The following CRTAC1 variants were observed in gnomAD, a reference collection of about 807,000 sequenced individuals.
The protein encoded by CRTAC1 is acidic secreted protein in cartilage.
A neutral mutation model predicts 67.8 loss-of-function variants in CRTAC1; 37 were observed. That is an observed-to-expected ratio of 0.55 (90% CI 0.42 to 0.72). The LOEUF (loss-of-function observed/expected upper bound fraction) is 0.72. CRTAC1 is among the 30% of genes least tolerant of loss of function. The pLI, the probability that CRTAC1 is intolerant of heterozygous loss-of-function variation, is 0.00. For synonymous variants in CRTAC1, 348 were observed against 371.0 expected, an observed-to-expected ratio of 0.94 and a Z score of 0.71; for missense variants, 780 against 931.6, an observed-to-expected ratio of 0.84 and a Z score of 2.12.
intron 2 of CRTAC1, among the ~76,000 whole-genome samples, chr10:97,962,780 A>T (rs546189183): frequency 6.6e-6 from 1 of 151,952 alleles, no homozygotes; most frequent in South Asian, 2.1e-4. Context: ...GCATTAAATT[A>T]TCCAGGGCTG....
chr10:97,970,793 A>G (rs947127570), intron 2 of CRTAC1, among the ~76,000 whole-genome samples: 5 of 152,252 alleles, frequency 3.3e-5, no homozygotes, highest in African/African-American at 1.2e-4. Flanking sequence ...CAGTCTCTCC[A>G]ATGCCTAGAT....
intron 6 of CRTAC1, among the ~76,000 whole-genome samples, chr10:97,907,292 A>G (rs981914145): frequency 1.3e-5 from 2 of 152,138 alleles, no homozygotes; most frequent in South Asian, 2.1e-4. Context: ...GGGAGTGAGG[A>G]AAATCTCTGC....
chr10:97,901,598 G>A lies in CRTAC1; in HGVS notation c.1038C>T (p.Arg346=), dbSNP rs1277495800. The A allele has an allele frequency of 6.2e-7, 1 of 1,614,206 alleles. No homozygotes were observed. The highest frequency in any genetic ancestry group is 8.5e-7 in the Non-Finnish European group (1 of 1,180,042). Residue 346 remains arginine (R), a synonymous_variant, in exon 8 of 15, where the codon CGC becomes CGT. Transcript: ENST00000370597. ...TGTCAAAGTCGGCGGTGATGACCGTGCGGACAGGGGAGGGCATGGAGAACT... is the reference window on the plus strand; with the variant it reads ...TGTCAAAGTCGGCGGTGATGACCGTACGGACAGGGGAGGGCATGGAGAACT... The part of the protein sequence containing the change: ...SPKFSMPSPV[R]TVITADFDND...
intron 2 of CRTAC1, among the ~76,000 whole-genome samples, chr10:97,989,867 A>G (rs570729871): frequency 6.6e-6 from 1 of 152,124 alleles, no homozygotes; most frequent in Non-Finnish European, 1.5e-5. Flanking sequence ...TGACTCCATC[A>G]TTTCTCTCCT....
intron 2 of CRTAC1, among the ~76,000 whole-genome samples, chr10:97,945,711 G>C (rs2051253182): frequency 6.6e-6 from 1 of 152,170 alleles, no homozygotes; most frequent in Non-Finnish European, 1.5e-5. Context: ...TGATTTAGGA[G>C]CTGGCCAGAG....
chr10:97,957,786 G>A (rs879393387), intron 2 of CRTAC1, among the ~76,000 whole-genome samples: 2 of 152,168 alleles, frequency 1.3e-5, no homozygotes, highest in Admixed American at 6.5e-5. Flanking sequence ...TCCCCAGGAG[G>A]CTAGGAATGA....
In CRTAC1 at chr10:97,919,771, C is replaced by CTTTTTTTTTTTTTTT. The variant is rs769852925; in HGVS notation, c.559-2130_559-2116dup. 1.2e-4 allele frequency among the ~76,000 whole-genome samples: 13 copies of CTTTTTTTTTTTTTTT among 106,322 alleles called. 3 individuals carry two copies. The highest frequency in any genetic ancestry group is 1.3e-4 in the Non-Finnish European group (7 of 55,184). The allele number at this position is 106,322 out of a possible 152,430, so 69.8% of individuals were successfully genotyped here. On this transcript the variant is annotated intron_variant, in intron 4 of 14. Coordinates refer to ENST00000370597, the MANE Select transcript of CRTAC1 (RefSeq NM_018058.7). ...GAGATGCACTGCTTTACAGTACAGC[C>CTTTTTTTTTTTTTTT]TTTTTTTTTTTTTTTAAGACAGGGT...
chr10:98,000,330 C>A (rs1842665339), intron 2 of CRTAC1, among the ~76,000 whole-genome samples: 1 of 152,230 alleles, frequency 6.6e-6, no homozygotes, highest in African/African-American at 2.4e-5. Context: ...TGAGACCCTG[C>A]AGTTCCCAGC....
chr10:97,968,297 C>CTG (rs2051651692), intron 2 of CRTAC1, among the ~76,000 whole-genome samples: 9 of 152,148 alleles, frequency 5.9e-5, no homozygotes, highest in Admixed American at 5.9e-4. Context: ...GGCTGGAGTG[C>CTG]AGTGGCACTA....
intron 7 of CRTAC1, among the ~76,000 whole-genome samples, chr10:97,903,721 C>T (rs140692801): frequency 3.1e-3 from 476 of 152,204 alleles, no homozygotes; most frequent in African/African-American, 0.011. Context: ...CTTCAACCAG[C>T]CCATGCCCTC....
chr10:98,027,341 T>C (rs1305487704), intron 1 of CRTAC1, among the ~76,000 whole-genome samples: 6 of 152,016 alleles, frequency 3.9e-5, no homozygotes, highest in African/African-American at 1.4e-4. Flanking sequence ...TTGGCAAAAA[T>C]AGAATGTCCT....
intron 4 of CRTAC1, among the ~76,000 whole-genome samples, chr10:97,920,403 C>T (rs2050819821): frequency 6.6e-6 from 1 of 152,130 alleles, no homozygotes; most frequent in Non-Finnish European, 1.5e-5. Flanking sequence ...TGAGATGATT[C>T]CAAGGGAAGG....
intron 2 of CRTAC1, among the ~76,000 whole-genome samples, chr10:97,946,045 C>T (rs1215695049): frequency 6.6e-6 from 1 of 152,162 alleles, no homozygotes; most frequent in African/African-American, 2.4e-5. Flanking sequence ...TAGCCCAGTG[C>T]CAGGAAAGAC....
chr10:97,907,966 C>G (rs1180880985), intron 6 of CRTAC1, 47 bp downstream of exon 6: 2 of 1,607,792 alleles, frequency 1.2e-6, no homozygotes, highest in South Asian at 1.1e-5. Flanking sequence ...CTCTGTGGGT[C>G]TGGGGTGAGG....
Position 98,030,520 on chromosome 10 carries a change from C to G in CRTAC1, c.-48G>C, listed in dbSNP as rs545311638. ...CCTAGGGGCGTGGGAAGCGGGCGCT[C>G]GCTGCCGCCTCTGCCGCCGGCGCCG... On this transcript the variant is annotated 5_prime_UTR_variant, in exon 1 of 15. Coordinates refer to ENST00000370597, the MANE Select transcript of CRTAC1 (RefSeq NM_018058.7). The surrounding 1 kb of genome is among the most constrained non-coding windows in gnomAD (Gnocchi z 4.2). 7.3e-6 allele frequency: 9 copies of G among 1,228,952 alleles called. No individual in the cohort carries two copies. The highest frequency in any genetic ancestry group is 9.2e-6 in the Non-Finnish European group (9 of 975,314). 76.1% of individuals were successfully genotyped at this position (1,228,952 alleles called of 1,614,324 possible).
chr10:98,027,226 C>T (rs1430930258), intron 1 of CRTAC1, among the ~76,000 whole-genome samples: 1 of 151,836 alleles, frequency 6.6e-6, no homozygotes, highest in African/African-American at 2.4e-5. Context: ...AACCTGTTTC[C>T]CAGAGCCCAG....
intron 2 of CRTAC1, among the ~76,000 whole-genome samples, chr10:97,968,345 C>A (rs534649000): frequency 3.3e-5 from 5 of 152,264 alleles, no homozygotes; most frequent in African/African-American, 1.2e-4. Flanking sequence ...CAGGTTCAAG[C>A]GATTCTCCTG....
intron 6 of CRTAC1, among the ~76,000 whole-genome samples, chr10:97,905,360 T>A (rs2050597560): frequency 6.6e-6 from 1 of 152,192 alleles, no homozygotes; most frequent in Non-Finnish European, 1.5e-5. Flanking sequence ...GGTCTCTACC[T>A]GGGATGCTCT....
intron 1 of CRTAC1, among the ~76,000 whole-genome samples, chr10:98,027,148 C>T (rs1172866784): frequency 6.8e-6 from 1 of 147,014 alleles, no homozygotes; most frequent in African/African-American, 2.5e-5. Context: ...GCCTGGGCGA[C>T]AGAGCGAGAC....
Sources: gnomAD v4.1 joint callset for allele counts (sites outside exome capture counted in the v4.1 genomes callset) on GRCh38, gnomAD v4.1.1 for gene constraint, Gnocchi (gnomAD v3.1) non-coding constraint, MANE v1.5 for transcripts, NCBI Gene and HGNC (gene_info 2026-07-23, HGNC 2026-07-21) for gene names.